LCT: variants seen among roughly 807,000 people sequenced by gnomAD.
The protein encoded by LCT is lactase, also known as lactase/phlorizin hydrolase.
Under a neutral mutation model 173.0 loss-of-function variants are expected in LCT, and 90 were observed. The observed-to-expected ratio is 0.52, with a 90% CI of 0.44 to 0.62. The LOEUF (loss-of-function observed/expected upper bound fraction) is 0.62. Ranked by LOEUF, LCT falls within the 20% of genes least tolerant of loss-of-function variation. LCT has a pLI of 0.00. For missense variants in LCT, 1,864 were observed against 2,431.4 expected (o/e 0.77, Z 4.91); for synonymous variants, 853 against 957.6 (o/e 0.89, Z 2.02).
rs2077618028 is a variant in LCT at position 135,800,651 on chromosome 2, G to C, written c.4822C>G (p.Pro1608Ala). 8 of 1,613,050 alleles carry C rather than the reference G, an allele frequency of 5.0e-6. No individual in the cohort carries two copies. Among genetic ancestry groups the C allele is most frequent in the Non-Finnish European group, 5.9e-6 (7 of 1,180,038 alleles). Residue 1608 changes from proline (P) to alanine (A), a missense_variant, in exon 12 of 17, where the codon CCC becomes GCC. By Grantham distance (27) the Pro-to-Ala change is conservative. Coordinates refer to ENST00000264162, the MANE Select transcript of LCT (RefSeq NM_002299.4). ...GCCTCCACATCCTCCTGGTTAGAGG[G>C]ATCTCTGGGTTCAGCCCAGTCACTG... ...ISSDWAEPRD[P>A]SNQEDVEAAR... is the part of the protein sequence containing the mutation.
chr2:135,833,278 A>T lies in LCT; in HGVS notation c.641-88T>A, dbSNP rs189127357. ...CCACTGGGGGATTCATTTCCTATGG[A>T]CCTGAAGAAATCATCCAAATGACTT... On this transcript the variant is annotated intron_variant, in intron 1 of 16. Coordinates refer to ENST00000264162, the MANE Select transcript of LCT (RefSeq NM_002299.4). 4.5e-4 allele frequency: 406 copies of T among 906,822 alleles called. 3 individuals carry two copies. Among genetic ancestry groups the T allele is most frequent in the Admixed American group, 2.7e-3 (161 of 58,990 alleles). The allele number at this position is 906,822 out of a possible 1,614,324, so 56.2% of individuals were successfully genotyped here. A position where few individuals can be genotyped will look rare whatever the true frequency, so the allele number is the denominator to read the frequency against.
intron 10 of LCT, 145 bp downstream of exon 10, chr2:135,804,622 A>T: frequency 1.2e-6 from 1 of 811,960 alleles, no homozygotes; most frequent in Non-Finnish European, 2.0e-6. Flanking sequence ...CCTGGGTGAC[A>T]GAGCGAGACT....
rs35476200 is a variant in LCT at position 135,817,431 on chromosome 2, G to A, written c.1617C>T (p.Thr539=). The A allele has an allele frequency of 4.6e-4, 746 of 1,614,136 alleles. 3 individuals carry two copies. The African/African-American group carries it at 8.7e-3, about 19-fold the overall frequency. The change falls in exon 6 of 17, where the codon ACC becomes ACT. Residue 539 remains threonine, a synonymous_variant. Coordinates refer to ENST00000264162, the MANE Select transcript of LCT (RefSeq NM_002299.4). Reference sequence around the variant, plus strand: ...AGCTCATCACCCACGGCTCATGGAAGGTCACCCACAGCTTCACACGGTCCC... The same window carrying A: ...AGCTCATCACCCACGGCTCATGGAAAGTCACCCACAGCTTCACACGGTCCC... ...TFGDRVKLWV[T]FHEPWVMSYA... is the part of the protein sequence containing the mutation.
chr2:135,813,217 G>T (rs2077750180), intron 6 of LCT, among the ~76,000 whole-genome samples: 1 of 152,104 alleles, frequency 6.6e-6, no homozygotes, highest in Non-Finnish European at 1.5e-5. Context: ...AACAAGTTAA[G>T]ACTGATACTA....
At chr2:135,814,718 T>C (rs1226398650) in intron 6 of LCT, among the ~76,000 whole-genome samples, 1 of 152,044 alleles carries the variant, frequency 6.6e-6, no homozygotes, top group Non-Finnish European at 1.5e-5. Context: ...GGTTTCACTA[T>C]GTTGGCCAGG....
At chr2:135,792,883 A>G (rs2077543685) in intron 14 of LCT, among the ~76,000 whole-genome samples, 1 of 152,132 alleles carries the variant, frequency 6.6e-6, no homozygotes, top group South Asian at 2.1e-4. Context: ...AAACCCAAAT[A>G]CCCTGGCCAA....
chr2:135,797,079 C>T (rs917390417), intron 13 of LCT, among the ~76,000 whole-genome samples: 1 of 151,798 alleles, frequency 6.6e-6, no homozygotes, highest in Non-Finnish European at 1.5e-5. Flanking sequence ...TCCCAAGTAG[C>T]TGGGATTACA....
At chr2:135,831,854 A>G (rs891306063) in intron 2 of LCT, among the ~76,000 whole-genome samples, 3 of 152,194 alleles carry the variant, frequency 2.0e-5, no homozygotes, top group Admixed American at 2.0e-4. Flanking sequence ...CATGGCTTCC[A>G]GACTGCCCAG....
At chr2:135,821,006 G>A (rs368500486) in intron 5 of LCT, among the ~76,000 whole-genome samples, 10 of 151,648 alleles carry the variant, frequency 6.6e-5, no homozygotes, top group Admixed American at 5.3e-4. Flanking sequence ...TCAGCCTCCC[G>A]AGTAGCTGGG....
At chr2:135,819,589 C>A (rs528224988) in intron 5 of LCT, among the ~76,000 whole-genome samples, 8 of 152,310 alleles carry the variant, frequency 5.3e-5, no homozygotes, top group African/African-American at 1.9e-4. Context: ...AGCCTGGGGC[C>A]GGGTCACCCA....
Position 135,817,776 on chromosome 2 carries a change from C to T in LCT, c.1272G>A (p.Ala424=), listed in dbSNP as rs534576693. 28 of 1,613,982 alleles carry T rather than the reference C, an allele frequency of 1.7e-5. No individual in the cohort carries two copies. The highest frequency in any genetic ancestry group is 9.3e-5 in the African/African-American group (7 of 75,046). Reference sequence around the variant, plus strand: ...AACTGTCGCTGGCCACCTCCAGCGTCGCTTGGCCCTCAGTGGTGTTCAGGG... The same window carrying T: ...AACTGTCGCTGGCCACCTCCAGCGTTGCTTGGCCCTCAGTGGTGTTCAGGG... ...RRPLNTTEGQ[A]TLEVASDSYH... The change falls in exon 6 of 17, where the codon GCG becomes GCA. Residue 424 remains alanine (A), a synonymous_variant. Coordinates refer to ENST00000264162, the MANE Select transcript of LCT (RefSeq NM_002299.4).
At chr2:135,807,077 G>A in intron 9 of LCT, 51 bp downstream of exon 9, 6 of 1,604,958 alleles carry the variant, frequency 3.7e-6, no homozygotes, top group Non-Finnish European at 5.1e-6. Context: ...CCAGAGCCTG[G>A]CACAGGGCAG....
chr2:135,794,405 C>A, intron 14 of LCT: 4 of 487,614 alleles, frequency 8.2e-6, no homozygotes, highest in Admixed American at 3.6e-5. Context: ...AATAAAAAAA[C>A]AAAAAGCCAA....
Position 135,804,085 on chromosome 2 carries a change from A to G in LCT, c.4508T>C (p.Val1503Ala), listed in dbSNP as rs1357417487. The G allele has an allele frequency of 3.7e-6, 6 of 1,614,126 alleles. No homozygotes were observed. The highest frequency in any genetic ancestry group is 5.1e-6 in the Non-Finnish European group (6 of 1,180,014). ...GATGGTCTCATTCTCCCAGCCTCCT[A>G]CATCTTGGAGCGTCTGTGGTAGGTC... ...HWDLPQTLQDVGGWENETIVQ... is the reference protein window; with the variant it reads ...HWDLPQTLQDAGGWENETIVQ... Residue 1503 changes from valine (V) to alanine (A), a missense_variant, in exon 11 of 17, where the codon GTA becomes GCA. By Grantham distance (64) the Val-to-Ala change is moderately conservative. Coordinates refer to ENST00000264162, the MANE Select transcript of LCT (RefSeq NM_002299.4).
At chr2:135,834,224 C>G (rs148994069) in intron 1 of LCT, among the ~76,000 whole-genome samples, 1 of 151,968 alleles carries the variant, frequency 6.6e-6, no homozygotes, top group Non-Finnish European at 1.5e-5. Context: ...CTCGCTCTGT[C>G]GCCCAGGCTG....
intron 14 of LCT, among the ~76,000 whole-genome samples, chr2:135,791,454 C>T (rs1291563529): frequency 6.6e-6 from 1 of 152,208 alleles, no homozygotes; most frequent in Non-Finnish European, 1.5e-5. Context: ...CAGCTCCTGC[C>T]ACAGGGGTGC....
intron 12 of LCT, among the ~76,000 whole-genome samples, chr2:135,798,477 C>T (rs1424004011): frequency 1.3e-5 from 2 of 152,212 alleles, no homozygotes. Flanking sequence ...GAAGGGAGAA[C>T]CCACAAGCCT....
chr2:135,835,049 C>A (rs1402791561), intron 1 of LCT, among the ~76,000 whole-genome samples: 2 of 151,910 alleles, frequency 1.3e-5, no homozygotes, highest in Admixed American at 6.6e-5. Flanking sequence ...CTAGTAGTTT[C>A]AATTCTAAGA....
intron 3 of LCT, among the ~76,000 whole-genome samples, chr2:135,827,538 G>T (rs562348581): frequency 6.6e-6 from 1 of 152,114 alleles, no homozygotes; most frequent in South Asian, 2.1e-4. Flanking sequence ...CGGTTTCGTG[G>T]AAGACAATTT....
Sources: gnomAD v4.1 joint callset for allele counts (sites outside exome capture counted in the v4.1 genomes callset) on GRCh38, gnomAD v4.1.1 for gene constraint, MANE v1.5 for transcripts, NCBI Gene and HGNC (gene_info 2026-07-23, HGNC 2026-07-21) for gene names.